Variants in WDFY1 observed in about 807,000 individuals in gnomAD.
WDFY1 encodes WD repeat and FYVE domain containing 1.
In WDFY1, 32 loss-of-function variants were observed where a neutral mutation model predicts 56.4. That is an observed-to-expected ratio of 0.57 (90% CI 0.43 to 0.76). The LOEUF (loss-of-function observed/expected upper bound fraction) is 0.76, where lower values mean the gene tolerates loss of function less well. WDFY1 is among the 30% of genes least tolerant of loss of function. The pLI is 0.00. For missense variants in WDFY1, 480 were observed against 545.7 expected (o/e 0.88, Z 1.20); for synonymous variants, 192 against 197.3 (o/e 0.97, Z 0.23).
At chr2:223,893,749 C>CA (rs909173862) in intron 8 of WDFY1, among the ~76,000 whole-genome samples, 6 of 152,322 alleles carry the variant, frequency 3.9e-5, no homozygotes, top group African/African-American at 1.4e-4. Context: ...ACTATGTCGA[C>CA]ATGGCCTCAG....
intron 1 of WDFY1, among the ~76,000 whole-genome samples, chr2:223,928,117 A>G (rs1401849936): frequency 6.6e-6 from 1 of 152,244 alleles, no homozygotes; most frequent in Non-Finnish European, 1.5e-5. Context: ...AACACAGACC[A>G]CCACAACAGA....
intron 8 of WDFY1, among the ~76,000 whole-genome samples, chr2:223,890,605 C>T (rs1693253343): frequency 6.6e-6 from 1 of 152,102 alleles, no homozygotes; most frequent in Admixed American, 6.6e-5. Flanking sequence ...AAGAAGCTTT[C>T]GTTTTGTGCT....
At chr2:223,935,730 A>T (rs1282901620) in intron 1 of WDFY1, among the ~76,000 whole-genome samples, 1 of 152,228 alleles carries the variant, frequency 6.6e-6, no homozygotes, top group Non-Finnish European at 1.5e-5. Flanking sequence ...CTAATACCTG[A>T]TTGTAATTAA....
At chr2:223,898,691 C>G (rs1022101191) in intron 6 of WDFY1, among the ~76,000 whole-genome samples, 2 of 152,248 alleles carry the variant, frequency 1.3e-5, no homozygotes, top group South Asian at 4.1e-4. Flanking sequence ...AGGTGTGAAC[C>G]AATGTGCCAG....
chr2:223,938,601 G>A (rs1689242414), intron 1 of WDFY1, among the ~76,000 whole-genome samples: 3 of 152,186 alleles, frequency 2.0e-5, no homozygotes, highest in South Asian at 4.1e-4. Flanking sequence ...AACCATTCAC[G>A]AGACATTAAT....
rs765202248 is a variant in WDFY1, at chr2:223,881,937, C to T, written c.1064+5G>A. On this transcript the variant is annotated splice_donor_5th_base_variant and intron_variant, in intron 10 of 11. Coordinates refer to ENST00000233055, the MANE Select transcript of WDFY1 (RefSeq NM_020830.5). ...GCAATGAGACAAAAATATGCAAACA[C>T]TCACTCTTCATCTTTGATGGAGTCG... 4.3e-6 allele frequency: 7 copies of T among 1,613,288 alleles called. No homozygotes were observed. The highest frequency in any genetic ancestry group is 5.9e-6 in the Non-Finnish European group (7 of 1,179,478).
chr2:223,917,913 T>C, intron 2 of WDFY1, 30 bp downstream of exon 2: 2 of 1,611,528 alleles, frequency 1.2e-6, no homozygotes, highest in Non-Finnish European at 1.7e-6. Flanking sequence ...TAGAGACATT[T>C]CTCTCAAATG....
chr2:223,894,925 G>T (rs1693337319), intron 7 of WDFY1, among the ~76,000 whole-genome samples: 1 of 152,176 alleles, frequency 6.6e-6, no homozygotes, highest in African/African-American at 2.4e-5. Context: ...AGTAACAGCT[G>T]CAGCCTAGCC....
chr2:223,917,403 C>T (rs1693805883), intron 2 of WDFY1, among the ~76,000 whole-genome samples: 1 of 132,028 alleles, frequency 7.6e-6, no homozygotes, highest in African/African-American at 2.5e-5. Context: ...GTTCATTTTC[C>T]TATTTTTTTT....
At chr2:223,883,574 T>C (rs1001916639) in intron 9 of WDFY1, among the ~76,000 whole-genome samples, 1 of 152,140 alleles carries the variant, frequency 6.6e-6, no homozygotes, top group African/African-American at 2.4e-5. Context: ...AATAATTCCC[T>C]TCTTGCCTGC....
chr2:223,942,469 C>T (rs1230390194), intron 1 of WDFY1, among the ~76,000 whole-genome samples: 1 of 150,278 alleles, frequency 6.7e-6, no homozygotes, highest in Non-Finnish European at 1.5e-5. Flanking sequence ...CCACCCGCCT[C>T]GGCCTCCCAA....
intron 1 of WDFY1, among the ~76,000 whole-genome samples, chr2:223,938,856 A>ATTT (rs10626915): frequency 0.81 from 113,847 of 140,388 alleles, 47,277 homozygotes; most frequent in Non-Finnish European, 0.91. Flanking sequence ...TGTAAGCAGT[A>ATTT]TTTTTTTTTT....
chr2:223,917,490 T>C (rs183953746), intron 2 of WDFY1, among the ~76,000 whole-genome samples: 69 of 152,302 alleles, frequency 4.5e-4, no homozygotes, highest in Non-Finnish European at 9.4e-4. Context: ...TTTCCTGCAG[T>C]TTATTACAGC....
chr2:223,939,795 G>C (rs958444419), intron 1 of WDFY1, among the ~76,000 whole-genome samples: 3 of 152,216 alleles, frequency 2.0e-5, no homozygotes, highest in African/African-American at 4.8e-5. Flanking sequence ...TGGGGACACA[G>C]CCAAACCATA....
At chr2:223,935,174 C>T (rs1233028096) in intron 1 of WDFY1, among the ~76,000 whole-genome samples, 3 of 152,104 alleles carry the variant, frequency 2.0e-5, no homozygotes, top group Non-Finnish European at 2.9e-5. Context: ...TATAAGCACC[C>T]TCATCTCCCC....
intron 1 of WDFY1, among the ~76,000 whole-genome samples, chr2:223,926,673 T>A (rs1267829128): frequency 6.6e-6 from 1 of 151,642 alleles, no homozygotes; most frequent in Admixed American, 6.6e-5. Context: ...TGTGTGTGTG[T>A]ATGTGTATTT....
chr2:223,925,841 C>T (rs1056608446), intron 1 of WDFY1, among the ~76,000 whole-genome samples: 2 of 152,216 alleles, frequency 1.3e-5, no homozygotes, highest in South Asian at 4.1e-4. Context: ...CCATATGAAA[C>T]TCTTTAAACA....
chr2:223,940,306 TACAA>T (rs1689278877), intron 1 of WDFY1, among the ~76,000 whole-genome samples: 1 of 152,166 alleles, frequency 6.6e-6, no homozygotes, highest in African/African-American at 2.4e-5. Context: ...AAATAAAGAT[TACAA>T]ACAGTCTCAT....
chr2:223,917,596 T>G (rs1693809496), intron 2 of WDFY1, among the ~76,000 whole-genome samples: 1 of 151,998 alleles, frequency 6.6e-6, no homozygotes, highest in Admixed American at 6.6e-5. Context: ...TTTTTTGAGA[T>G]GGAGTCTCGC....
Sources: allele counts gnomAD v4.1 joint callset (sites outside exome capture counted in the v4.1 genomes callset), GRCh38; gene constraint gnomAD v4.1.1; transcripts MANE v1.5; gene names NCBI Gene and HGNC (gene_info 2026-07-23, HGNC 2026-07-21).